Variants in CUL4A observed in about 807,000 individuals in gnomAD.
CUL4A encodes cullin 4A.
CUL4A carries 16 observed loss-of-function variants against 95.5 expected under a neutral mutation model. That is an observed-to-expected ratio of 0.17 (90% CI 0.11 to 0.25). CUL4A has a LOEUF of 0.25. Ranked by LOEUF, CUL4A falls within the 10% of genes least tolerant of loss-of-function variation. The pLI is 1.00. For missense variants in CUL4A, 610 were observed against 937.0 expected, an observed-to-expected ratio of 0.65 and a Z score of 4.56; for synonymous variants, 380 against 353.1, an observed-to-expected ratio of 1.08 and a Z score of -0.85.
intron 18 of CUL4A, among the ~76,000 whole-genome samples, chr13:113,257,088 C>T (rs913834916): frequency 6.6e-6 from 1 of 151,942 alleles, no homozygotes; most frequent in Non-Finnish European, 1.5e-5. Flanking sequence ...CCACACTCAA[C>T]TAAGTTTTCT....
At chr13:113,223,914 A>G (rs986947336) in intron 3 of CUL4A, among the ~76,000 whole-genome samples, 8 of 152,132 alleles carry the variant, frequency 5.3e-5, no homozygotes, top group Non-Finnish European at 8.8e-5. Flanking sequence ...GCTCTTGGTG[A>G]CGTCCCTTCC....
chr13:113,245,349 G>T, intron 14 of CUL4A, 112 bp downstream of exon 14: 1 of 963,414 alleles, frequency 1.0e-6, no homozygotes, highest in Non-Finnish European at 1.6e-6. Flanking sequence ...CGTTCTTGAG[G>T]CCAGAAGTTC....
chr13:113,239,509 C>T lies in CUL4A; in HGVS notation c.993C>T (p.Gly331=), dbSNP rs748501748. The T allele has an allele frequency of 1.2e-5, 19 of 1,613,434 alleles. No homozygotes were observed. The highest frequency in any genetic ancestry group is 1.4e-5 in the Non-Finnish European group (16 of 1,179,810). ...ACCAGCTGTTCAGCCGGGTGAGGGG[C>T]GGGCAGCAGGCGCTGCTGCAGCACT... ...QMYQLFSRVR[G]GQQALLQHWS... is the part of the protein sequence containing the mutation. Residue 331 remains glycine (G), a synonymous_variant, in exon 10 of 20, where the codon GGC becomes GGT. Transcript: ENST00000375440.
Position 113,210,073 on chromosome 13 carries a change from C to G in CUL4A, c.249C>G (p.Leu83=), listed in dbSNP as rs1317029315. ...GCAGCACCTCCATCAGGTACAACCT[C>G]GAGGAGCTCTACCAGGTGAGGCGGC... ...VQSSTSIRYN[L]EELYQAVENL... The change falls in exon 2 of 20, where the codon CTC becomes CTG. Residue 83 remains leucine (L), a synonymous_variant. Coordinates refer to ENST00000375440, the MANE Select transcript of CUL4A (RefSeq NM_001008895.4). 15 of 1,512,134 alleles carry G rather than the reference C, an allele frequency of 9.9e-6. No individual in the cohort carries two copies. The highest frequency in any genetic ancestry group is 5.6e-5 in the East Asian group (2 of 35,722). The allele number at this position is 1,512,134 out of a possible 1,614,324, so 93.7% of individuals were successfully genotyped here.
chr13:113,261,454 G>T (rs1307022495), intron 19 of CUL4A, among the ~76,000 whole-genome samples: 1 of 152,058 alleles, frequency 6.6e-6, no homozygotes, highest in African/African-American at 2.4e-5. Context: ...CTAAATAGTC[G>T]AACACTTAAG....
chr13:113,234,057 C>T (rs1383056635), intron 7 of CUL4A, 71 bp downstream of exon 7: 12 of 871,026 alleles, frequency 1.4e-5, no homozygotes, highest in Non-Finnish European at 1.8e-5. Flanking sequence ...GGACTTTCCT[C>T]ATGTTTGCCT....
chr13:113,234,703 G>A (rs532006869), intron 7 of CUL4A, among the ~76,000 whole-genome samples: 3 of 152,266 alleles, frequency 2.0e-5, no homozygotes, highest in Admixed American at 1.3e-4. Flanking sequence ...CCAGCTGTGC[G>A]GGGCAGGGTT....
chr13:113,250,668 C>T (rs1437475330), intron 15 of CUL4A, among the ~76,000 whole-genome samples: 1 of 152,012 alleles, frequency 6.6e-6, no homozygotes, highest in African/African-American at 2.4e-5. Flanking sequence ...AAGATATGCA[C>T]TAAGAGGTTT....
In CUL4A at chr13:113,266,877, CTA is replaced by C. The variant is rs918916514; in HGVS notation, c.*3297_*3298del. 1.3e-5 allele frequency: 2 copies of C among 152,024 alleles called. No individual in the cohort carries two copies. The highest frequency in any genetic ancestry group is 2.9e-5 in the Non-Finnish European group (2 of 68,010). 9.4% of individuals were successfully genotyped at this position (152,024 alleles called of 1,614,324 possible). ...ATAAGATACTTTTTTTGTAAATTGA[CTA>C]TTATTGTATAAATTTATAGAGTATA... On this transcript the variant is annotated 3_prime_UTR_variant, in exon 20 of 20. Coordinates refer to ENST00000375440, the MANE Select transcript of CUL4A (RefSeq NM_001008895.4).
In CUL4A at chr13:113,266,250, C is replaced by T. The variant is rs1378183178; in HGVS notation, c.*2668C>T. ...CCAAGGCTGTTCTTGTACTCCTGGC[C>T]TCAAGCGAACCTCCTACCTCAGCCT... On this transcript the variant is annotated 3_prime_UTR_variant, in exon 20 of 20. Transcript: ENST00000375440. 1.3e-5 allele frequency: 2 copies of T among 152,096 alleles called. No individual in the cohort carries two copies. The highest frequency in any genetic ancestry group is 2.9e-5 in the Non-Finnish European group (2 of 68,016). 9.4% of individuals were successfully genotyped at this position (152,096 alleles called of 1,614,324 possible).
At chr13:113,242,236 G>A (rs2041736356) in intron 10 of CUL4A, among the ~76,000 whole-genome samples, 1 of 151,664 alleles carries the variant, frequency 6.6e-6, no homozygotes, top group Admixed American at 6.6e-5. Context: ...CTGCACTCCA[G>A]CCTGGTGACA....
rs2041421443 is a variant in CUL4A, at chr13:113,233,252, C to T, written c.588C>T (p.Ile196=). The change falls in exon 6 of 20, where the codon ATC becomes ATT. Residue 196 remains isoleucine (I), a synonymous_variant. Coordinates refer to ENST00000375440, the MANE Select transcript of CUL4A (RefSeq NM_001008895.4). ...TTCAGAGTAAAACCATTGATGGAAT[C>T]CTACTGCTGATCGAGCGCGAGAGGA... ...KMVQSKTIDG[I]LLLIERERSG... The T allele has an allele frequency of 4.3e-6, 7 of 1,614,074 alleles. No individual in the cohort carries two copies. Among genetic ancestry groups the T allele is most frequent in the Non-Finnish European group, 5.9e-6 (7 of 1,180,008 alleles).
intron 10 of CUL4A, among the ~76,000 whole-genome samples, chr13:113,241,178 G>T (rs554011426): frequency 6.6e-6 from 1 of 152,276 alleles, no homozygotes; most frequent in Admixed American, 6.5e-5. Context: ...GAAGATTTAG[G>T]TTTTTTGCCA....
At chr13:113,228,746 C>G (rs1453333275) in intron 4 of CUL4A, among the ~76,000 whole-genome samples, 1 of 151,976 alleles carries the variant, frequency 6.6e-6, no homozygotes, top group Non-Finnish European at 1.5e-5. Context: ...CCAAGAGCCT[C>G]ATCATGTAAC....
At chr13:113,232,775 G>C (rs2041400823) in intron 5 of CUL4A, among the ~76,000 whole-genome samples, 1 of 152,196 alleles carries the variant, frequency 6.6e-6, no homozygotes, top group South Asian at 2.1e-4. Context: ...TGGGAAGAGA[G>C]TGTACCCTGA....
chr13:113,209,545 G>C (rs2040257860), upstream of CUL4A: 6 of 819,360 alleles, frequency 7.3e-6, no homozygotes, highest in Non-Finnish European at 8.8e-6. Flanking sequence ...GGACGGGGCG[G>C]AGGCCGCGCG....
In CUL4A at chr13:113,235,068, A is replaced by T. The variant is rs372323261; in HGVS notation, c.771A>T (p.Pro257=). ...GQRLMQEREV[P]EYLNHVSKRL... ...TTAATTGTTTTGTTTGTAAGGTTCC[A>T]GAATATCTTAACCATGTAAGTAAAC... The change falls in exon 8 of 20, where the codon CCA becomes CCT. Residue 257 remains proline, a synonymous_variant. Transcript: ENST00000375440. The T allele has an allele frequency of 3.0e-5, 48 of 1,607,434 alleles. No individual in the cohort carries two copies. The highest frequency in any genetic ancestry group is 3.9e-5 in the Non-Finnish European group (46 of 1,174,852).
chr13:113,233,997 G>A lies in CUL4A; in HGVS notation c.765+11G>A, dbSNP rs2041452648. The A allele has an allele frequency of 1.3e-6, 2 of 1,567,846 alleles. No individual in the cohort carries two copies. The highest frequency in any genetic ancestry group is 1.8e-6 in the Non-Finnish European group (2 of 1,142,812). ...ATGCAGGAAAGAGAGGTGAGATGATGGGATGTTTCCGAATCCCCTGGCTTC... is the reference window on the plus strand; with the variant it reads ...ATGCAGGAAAGAGAGGTGAGATGATAGGATGTTTCCGAATCCCCTGGCTTC... On this transcript the variant is annotated intron_variant, in intron 7 of 19. Transcript: ENST00000375440.
chr13:113,222,900 C>T (rs1047202757), intron 3 of CUL4A, among the ~76,000 whole-genome samples: 6 of 152,072 alleles, frequency 3.9e-5, no homozygotes, highest in Non-Finnish European at 7.4e-5. Context: ...ACCCCCATCT[C>T]TAAAAAGAAA....
Sources: gnomAD v4.1 joint callset for allele counts (sites outside exome capture counted in the v4.1 genomes callset) on GRCh38, gnomAD v4.1.1 for gene constraint, MANE v1.5 for transcripts, NCBI Gene and HGNC (gene_info 2026-07-23, HGNC 2026-07-21) for gene names.